MYH13: variants seen among roughly 807,000 people sequenced by gnomAD.
MYH13 encodes the protein myosin heavy chain 13, also known as myosin-13.
In MYH13, 177 loss-of-function variants were observed where a neutral mutation model predicts 232.1. That is an observed-to-expected ratio of 0.76 (90% CI 0.67 to 0.86). MYH13 has a LOEUF of 0.86. Among genes scored for constraint, MYH13 ranks in the 40% least tolerant of loss-of-function variants. The pLI is 0.00. For missense variants in MYH13, 2,246 were observed against 2,405.9 expected (o/e 0.93, Z 1.39); for synonymous variants, 884 against 923.5 (o/e 0.96, Z 0.78).
At chr17:10,323,302 A>G (rs1267418848) in intron 23 of MYH13, among the ~76,000 whole-genome samples, 2 of 152,084 alleles carry the variant, frequency 1.3e-5, no homozygotes, top group Non-Finnish European at 2.9e-5. Context: ...CTCTCAGTCA[A>G]TCCTTGGTGT....
chr17:10,344,133 A>G, intron 15 of MYH13, 24 bp from the exon 16 acceptor site: 1 of 1,612,176 alleles, frequency 6.2e-7, no homozygotes, highest in African/African-American at 1.3e-5. Flanking sequence ...AACAGAGTCT[A>G]CATATAATAG....
chr17:10,344,864 C>A, intron 15 of MYH13, among the ~76,000 whole-genome samples: 1 of 149,822 alleles, frequency 6.7e-6, no homozygotes, highest in Non-Finnish European at 1.5e-5. Context: ...TTCCTGTTTT[C>A]ATATTAACAT....
At position 10,315,780 on chromosome 17, in the gene MYH13, C is replaced by T; in HGVS notation, c.3897G>A (p.Glu1299=). 1 of 1,613,928 alleles carries T rather than the reference C, an allele frequency of 6.2e-7. No homozygotes were observed. Among genetic ancestry groups the T allele is most frequent in the Non-Finnish European group, 8.5e-7 (1 of 1,179,852 alleles). Residue 1299 remains glutamate, a synonymous_variant, in exon 29 of 41, where the codon GAG becomes GAA. Coordinates refer to ENST00000252172, the MANE Select transcript of MYH13 (RefSeq NM_003802.3). ...GELSHRVEEK[E]SLISQLTKSK... is the part of the protein sequence containing the mutation. ...TTTTGGTCAGCTGTGAAATCAGAGACTCCTTCTCTTCCACTCGGTGGCTCA... is the reference window on the plus strand; with the variant it reads ...TTTTGGTCAGCTGTGAAATCAGAGATTCCTTCTCTTCCACTCGGTGGCTCA...
At chr17:10,332,077 T>G in intron 20 of MYH13, 22 bp downstream of exon 20, 1 of 1,612,666 alleles carries the variant, frequency 6.2e-7, no homozygotes. Context: ...ACTAGGGGAG[T>G]CCCAGCCTTG....
chr17:10,309,618 C>T lies in MYH13; in HGVS notation c.4869G>A (p.Glu1623=). The change falls in exon 34 of 41, where the codon GAG becomes GAA. Residue 1623 remains glutamate (E), a synonymous_variant. Coordinates refer to ENST00000252172, the MANE Select transcript of MYH13 (RefSeq NM_003802.3). ...GAATCTCCATCTCATTAAGGTCTCC[C>T]TCCATCTTCTTCTTTAGCCTCAGGG... The part of the protein sequence containing the change: ...NDALRLKKKM[E]GDLNEMEIQL... The T allele has an allele frequency of 1.2e-6, 2 of 1,613,364 alleles. No homozygotes were observed. Among genetic ancestry groups the T allele is most frequent in the Non-Finnish European group, 1.7e-6 (2 of 1,179,666 alleles).
At position 10,352,378 on chromosome 17, in the gene MYH13, C is replaced by T. The variant is rs182728754; in HGVS notation, c.1006-1684G>A. Among the ~76,000 whole-genome samples, 649 of 152,162 alleles carry T rather than the reference C, an allele frequency of 4.3e-3. 10 individuals are homozygous for T. Among genetic ancestry groups the T allele is most frequent in the African/African-American group, 0.015 (629 of 41,526 alleles). On this transcript the variant is annotated intron_variant, in intron 11 of 40. Coordinates refer to ENST00000252172, the MANE Select transcript of MYH13 (RefSeq NM_003802.3). ...AGGCCGAGGTGGGTGGATCACAAGG[C>T]TAGGAGTTCAAGACCAGCCTGGCCA...
intron 23 of MYH13, 90 bp from the exon 24 acceptor site, chr17:10,321,798 CT>C: frequency 4.9e-6 from 6 of 1,229,618 alleles, no homozygotes; most frequent in Non-Finnish European, 5.6e-6. Context: ...CTCATTTTTC[CT>C]TTTTCCCTTT....
chr17:10,332,150 G>T lies in MYH13; in HGVS notation c.2247C>A (p.Leu749=). 1 of 1,614,008 alleles carries T rather than the reference G, an allele frequency of 6.2e-7. No individual in the cohort carries two copies. The highest frequency in any genetic ancestry group is 8.5e-7 in the Non-Finnish European group (1 of 1,179,894). The change falls in exon 20 of 41, where the codon CTC becomes CTA. Residue 749 remains leucine (L), a synonymous_variant. Coordinates refer to ENST00000252172, the MANE Select transcript of MYH13 (RefSeq NM_003802.3). ...CCCGGTCCACATCGATGGAGTTGAG[G>T]AGCTTCTCTGAGGCATTTTTGCTGT... ...FIDSKNASEK[L]LNSIDVDREQ...
intron 29 of MYH13, among the ~76,000 whole-genome samples, chr17:10,314,263 T>C (rs1906624194): frequency 6.6e-6 from 1 of 151,740 alleles, no homozygotes; most frequent in Non-Finnish European, 1.5e-5. Context: ...CTACTAAAAA[T>C]ACAAAACCGG....
At chr17:10,357,015 C>A (rs909613548) in intron 8 of MYH13, among the ~76,000 whole-genome samples, 8 of 152,080 alleles carry the variant, frequency 5.3e-5, no homozygotes, top group Admixed American at 5.2e-4. Flanking sequence ...GGCTGGAGTG[C>A]AGTGTTGCAA....
rs1266110568 is a variant in MYH13 at position 10,306,220 on chromosome 17, A to ATATGTG, written c.5466+238_5466+239insCACATA. 7.7e-6 allele frequency among the ~76,000 whole-genome samples: 1 copy of ATATGTG among 129,944 alleles called. No homozygotes were observed. Among genetic ancestry groups the ATATGTG allele is most frequent in the African/African-American group, 2.9e-5 (1 of 34,444 alleles). The allele number at this position is 129,944 out of a possible 152,430, so 85.2% of individuals were successfully genotyped here. A position where few individuals can be genotyped will look rare whatever the true frequency, so the allele number is the denominator to read the frequency against. ...CTGAGGTGTGAGCATACCAAAATAG[A>ATATGTG]TGTGTGTGTGTGTGTGTGTGTGTGT... On this transcript the variant is annotated intron_variant, in intron 37 of 40. Transcript: ENST00000252172. The surrounding 1 kb of genome is among the most constrained non-coding windows in gnomAD (Gnocchi z 4.3).
At chr17:10,323,787 A>AGAAGAAGAAGAGG (rs1305383879) in intron 23 of MYH13, among the ~76,000 whole-genome samples, 4 of 66,706 alleles carry the variant, frequency 6.0e-5, no homozygotes, top group African/African-American at 2.5e-4. Context: ...AAAAAAAAAA[A>AGAAGAAGAAGAGG]AAGAAGAAGA....
chr17:10,306,150 G>A lies in MYH13; in HGVS notation c.5466+309C>T, dbSNP rs778809652. ...ATGTGCGTGCATCTGAATCTGCATA[G>A]CAAATGGAATGTGAACATTAACATA... On this transcript the variant is annotated intron_variant, in intron 37 of 40. Coordinates refer to ENST00000252172, the MANE Select transcript of MYH13 (RefSeq NM_003802.3). The surrounding 1 kb of genome is among the most constrained non-coding windows in gnomAD (Gnocchi z 4.3). Among the ~76,000 whole-genome samples the A allele has an allele frequency of 1.8e-4, 27 of 151,388 alleles. No homozygotes were observed. Among genetic ancestry groups the A allele is most frequent in the Non-Finnish European group, 3.2e-4 (22 of 67,962 alleles).
chr17:10,312,560 G>C lies in MYH13; in HGVS notation c.4365+14C>G. The C allele has an allele frequency of 6.2e-7, 1 of 1,604,346 alleles. No individual in the cohort carries two copies. Among genetic ancestry groups the C allele is most frequent in the Non-Finnish European group, 8.5e-7 (1 of 1,175,258 alleles). ...CTCATGCCATCTTCACAAAGAAAGC[G>C]GCTGGGGAAGGACCTTGTCGAAGTT... On this transcript the variant is annotated intron_variant, in intron 31 of 40. Transcript: ENST00000252172.
Position 10,316,009 on chromosome 17 carries a change from G to T in MYH13, c.3755C>A (p.Thr1252Lys), listed in dbSNP as rs746577108. The T allele has an allele frequency of 6.2e-7, 1 of 1,613,920 alleles. No homozygotes were observed. ...AAATTGATCTTCTACCGTCCGGCACGTTCTTTCTATGTTACTCTTTAACAA... is the reference window on the plus strand; with the variant it reads ...AAATTGATCTTCTACCGTCCGGCACTTTCTTTCTATGTTACTCTTTAACAA... ...LSKSKSNIER[T>K]CRTVEDQFSE... Residue 1252 changes from threonine (T) to lysine (K), a missense_variant, in exon 28 of 41, where the codon ACG becomes AAG. By Grantham distance (78) the Thr-to-Lys change is moderately conservative. Transcript: ENST00000252172.
intron 20 of MYH13, among the ~76,000 whole-genome samples, chr17:10,331,364 GC>G (rs1567664088): frequency 6.6e-6 from 1 of 152,120 alleles, no homozygotes; most frequent in Non-Finnish European, 1.5e-5. Flanking sequence ...ATCTTTGGAG[GC>G]AGGCCAGGAT....
chr17:10,360,285 G>T, intron 5 of MYH13, 97 bp from the exon 6 acceptor site: 1 of 1,388,062 alleles, frequency 7.2e-7, no homozygotes, highest in Non-Finnish European at 1.0e-6. Flanking sequence ...ATAGGCTCTA[G>T]TTAATGTCTT....
intron 22 of MYH13, among the ~76,000 whole-genome samples, chr17:10,327,102 C>A (rs1327242658): frequency 2.1e-5 from 1 of 46,524 alleles, no homozygotes; most frequent in Admixed American, 2.6e-4. Context: ...CCCAGGTTCA[C>A]GCCATTCTCC....
At chr17:10,319,377 C>T (rs764709291) in intron 26 of MYH13, among the ~76,000 whole-genome samples, 198 bp from the exon 27 acceptor site, 3 of 151,828 alleles carry the variant, frequency 2.0e-5, no homozygotes, top group East Asian at 1.9e-4. Context: ...GGTGTGGTGG[C>T]GGGCGCCTGT....
Sources: allele counts gnomAD v4.1 joint callset (sites outside exome capture counted in the v4.1 genomes callset), GRCh38; gene constraint gnomAD v4.1.1; non-coding constraint Gnocchi (gnomAD v3.1); transcripts MANE v1.5; gene names NCBI Gene and HGNC (gene_info 2026-07-23, HGNC 2026-07-21).